The following SEMA3A variants were observed in gnomAD, a reference collection of about 807,000 sequenced individuals.
SEMA3A encodes the protein semaphorin-3A.
SEMA3A carries 29 observed loss-of-function variants against 97.9 expected under a neutral mutation model. The observed-to-expected ratio is 0.30, with a 90% CI of 0.22 to 0.40. The LOEUF (loss-of-function observed/expected upper bound fraction) is 0.40. Among genes scored for constraint, SEMA3A ranks in the 10% least tolerant of loss-of-function variants. The pLI is 1.00. For missense variants in SEMA3A, 763 were observed against 951.3 expected (o/e 0.80, Z 2.60); for synonymous variants, 321 against 323.7 (o/e 0.99, Z 0.09).
intron 3 of SEMA3A, among the ~76,000 whole-genome samples, chr7:84,266,357 A>G (rs1052603121): frequency 1.3e-5 from 2 of 150,358 alleles, no homozygotes; most frequent in African/African-American, 4.9e-5. Context: ...TTCTAATTGT[A>G]TCACAGTAGC....
rs182023955 is a variant in SEMA3A at position 84,079,888 on chromosome 7, A to G, written c.454-19330T>C. ...AAAGGACTATAAATTATGCTGCTATAAAGACACTTGCGCACGTATGTTTAT... is the reference window on the plus strand; with the variant it reads ...AAAGGACTATAAATTATGCTGCTATGAAGACACTTGCGCACGTATGTTTAT... On this transcript the variant is annotated intron_variant, in intron 4 of 16. Coordinates refer to ENST00000265362, the MANE Select transcript of SEMA3A (RefSeq NM_006080.3). 1.4e-3 allele frequency among the ~76,000 whole-genome samples: 204 copies of G among 147,710 alleles called. 3 individuals carry two copies. In the South Asian group the frequency reaches 0.019, roughly 14 times the overall value.
At chr7:84,062,294 T>TC (rs1793252145) in intron 4 of SEMA3A, among the ~76,000 whole-genome samples, 1 of 152,172 alleles carries the variant, frequency 6.6e-6, no homozygotes, top group Non-Finnish European at 1.5e-5. Flanking sequence ...TACGAATTTA[T>TC]CATAGGCATT....
At chr7:84,359,915 T>C (rs1293241249) in intron 2 of SEMA3A, among the ~76,000 whole-genome samples, 4 of 151,068 alleles carry the variant, frequency 2.6e-5, no homozygotes, top group Admixed American at 6.6e-5. Context: ...GATTTTCTAG[T>C]TTATTTGCGT....
chr7:84,407,728 G>T (rs1286823972), intron 1 of SEMA3A, among the ~76,000 whole-genome samples: 2 of 152,082 alleles, frequency 1.3e-5, no homozygotes, highest in Non-Finnish European at 2.9e-5. Flanking sequence ...AGAGCCCTCA[G>T]AAATAATGCC....
chr7:84,266,516 T>G (rs1276735288), intron 3 of SEMA3A, among the ~76,000 whole-genome samples: 1 of 151,760 alleles, frequency 6.6e-6, no homozygotes, highest in Non-Finnish European at 1.5e-5. Context: ...AGCCAGATTT[T>G]GAGTTAACAA....
intron 4 of SEMA3A, among the ~76,000 whole-genome samples, chr7:84,076,707 G>A (rs1793964204): frequency 6.6e-6 from 1 of 152,006 alleles, no homozygotes; most frequent in South Asian, 2.1e-4. Context: ...TACTTCATTT[G>A]CAAAAATATA....
At chr7:84,091,135 A>AGAAGGAAGGAAGGAAG (rs1272289412) in intron 4 of SEMA3A, among the ~76,000 whole-genome samples, 1 of 50,890 alleles carries the variant, frequency 2.0e-5, no homozygotes, top group African/African-American at 5.5e-5. Flanking sequence ...AAAGAAAGAA[A>AGAAGGAAGGAAGGAAG]GAAGGAAGGA....
chr7:84,004,212 A>G (rs1398043535), intron 11 of SEMA3A, among the ~76,000 whole-genome samples: 2 of 152,106 alleles, frequency 1.3e-5, no homozygotes. Flanking sequence ...AGTAGCAAGT[A>G]TCAGATTTGT....
At chr7:84,049,337 C>A (rs755224263) in intron 5 of SEMA3A, among the ~76,000 whole-genome samples, 1 of 151,990 alleles carries the variant, frequency 6.6e-6, no homozygotes. Context: ...TTGCACTGGG[C>A]CTTAGATCAG....
intron 3 of SEMA3A, among the ~76,000 whole-genome samples, chr7:84,212,561 A>C (rs1033890153): frequency 7.9e-5 from 12 of 152,204 alleles, no homozygotes; most frequent in African/African-American, 2.9e-4. Context: ...TATTCATTAT[A>C]CTAGTCAACA....
intron 1 of SEMA3A, among the ~76,000 whole-genome samples, chr7:84,162,025 T>C (rs562254631): frequency 6.6e-6 from 1 of 152,276 alleles, no homozygotes; most frequent in African/African-American, 2.4e-5. Context: ...ATTTAACATA[T>C]GGTCTTATTG....
intron 1 of SEMA3A, among the ~76,000 whole-genome samples, chr7:84,160,916 A>G (rs963946911): frequency 6.6e-6 from 1 of 151,864 alleles, no homozygotes; most frequent in Non-Finnish European, 1.5e-5. Flanking sequence ...AAATAATTCC[A>G]TAGGATAGGT....
At chr7:84,252,716 AT>A (rs1296213531) in intron 3 of SEMA3A, among the ~76,000 whole-genome samples, 5 of 152,172 alleles carry the variant, frequency 3.3e-5, no homozygotes, top group Non-Finnish European at 7.3e-5. Context: ...GATATAAAAC[AT>A]GTTATTTCAC....
chr7:84,199,783 A>C (rs1326362569), upstream of SEMA3A, among the ~76,000 whole-genome samples: 2 of 152,166 alleles, frequency 1.3e-5, no homozygotes, highest in Admixed American at 1.3e-4. Flanking sequence ...CGATCAGAAG[A>C]CACTCTATTA....
At chr7:84,356,553 A>C (rs1024871577) in intron 2 of SEMA3A, among the ~76,000 whole-genome samples, 1 of 151,702 alleles carries the variant, frequency 6.6e-6, no homozygotes, top group Non-Finnish European at 1.5e-5. Flanking sequence ...CAGCCTATCA[A>C]ATAAATAGAA....
chr7:84,099,412 C>T (rs925016356), intron 4 of SEMA3A, among the ~76,000 whole-genome samples: 2 of 152,056 alleles, frequency 1.3e-5, no homozygotes, highest in African/African-American at 4.8e-5. Flanking sequence ...ATTACTTTCA[C>T]ATATACATTC....
intron 6 of SEMA3A, among the ~76,000 whole-genome samples, chr7:84,041,966 T>C (rs1010713014): frequency 1.3e-5 from 2 of 152,136 alleles, no homozygotes; most frequent in African/African-American, 2.4e-5. Flanking sequence ...TCTCCAAAGA[T>C]AGTAAGATCG....
At chr7:84,378,448 C>T (rs751786461) in intron 1 of SEMA3A, among the ~76,000 whole-genome samples, 1 of 152,086 alleles carries the variant, frequency 6.6e-6, no homozygotes, top group Admixed American at 6.5e-5. Flanking sequence ...TCTCTGCAAA[C>T]TAACACAGGA....
At chr7:84,479,353 G>A (rs997426181) in intron 1 of SEMA3A, among the ~76,000 whole-genome samples, 8 of 152,090 alleles carry the variant, frequency 5.3e-5, no homozygotes, top group Admixed American at 2.6e-4. Flanking sequence ...AACAGCAAAC[G>A]GGGGATACAG....
Sources: gnomAD v4.1 joint callset for allele counts (sites outside exome capture counted in the v4.1 genomes callset) on GRCh38, gnomAD v4.1.1 for gene constraint, MANE v1.5 for transcripts, NCBI Gene and HGNC (gene_info 2026-07-23, HGNC 2026-07-21) for gene names.